The following RAD51B variants were observed in gnomAD, a reference collection of about 807,000 sequenced individuals.
The protein encoded by RAD51B is DNA repair protein RAD51 homolog 2.
A neutral mutation model predicts 42.2 loss-of-function variants in RAD51B; 38 were observed. The ratio of observed to expected loss-of-function variants is 0.90; its 90% confidence interval spans 0.70 to 1.18. The LOEUF is 1.18. Ranked by LOEUF, RAD51B falls within the 50% of genes most tolerant of loss-of-function variation. RAD51B has a pLI of 0.00. For missense variants in RAD51B, 373 were observed against 400.7 expected, an observed-to-expected ratio of 0.93 and a Z score of 0.59; for synonymous variants, 154 against 145.2, an observed-to-expected ratio of 1.06 and a Z score of -0.43.
chr14:68,079,475 C>T (rs183350759), intron 7 of RAD51B, among the ~76,000 whole-genome samples: 45 of 152,238 alleles, frequency 3.0e-4, no homozygotes, highest in Middle Eastern at 3.4e-3. Flanking sequence ...TGCTTAAACT[C>T]TGATATATTT....
intron 10 of RAD51B, chr14:68,610,967 T>C (rs918115097): frequency 4.3e-6 from 3 of 696,982 alleles, no homozygotes; most frequent in Non-Finnish European, 7.9e-6. Context: ...AATAAAAGTT[T>C]GTTGCATTTA....
chr14:68,148,551 A>G (rs1312749772), intron 7 of RAD51B, among the ~76,000 whole-genome samples: 1 of 152,210 alleles, frequency 6.6e-6, no homozygotes, highest in Non-Finnish European at 1.5e-5. Context: ...TTTGACTTAC[A>G]CTTTTTTGAT....
intron 7 of RAD51B, among the ~76,000 whole-genome samples, chr14:68,204,707 A>T (rs962298118): frequency 6.6e-6 from 1 of 152,210 alleles, no homozygotes. Context: ...TTAATTTTTT[A>T]AAAAATAGCC....
chr14:68,098,313 T>C (rs2077228903), intron 7 of RAD51B, among the ~76,000 whole-genome samples: 1 of 152,244 alleles, frequency 6.6e-6, no homozygotes, highest in Non-Finnish European at 1.5e-5. Flanking sequence ...CAGCTTTTGT[T>C]TAAGAGATTG....
chr14:67,906,810 C>G (rs2043794692), intron 7 of RAD51B, among the ~76,000 whole-genome samples: 1 of 151,318 alleles, frequency 6.6e-6, no homozygotes, highest in South Asian at 2.1e-4. Context: ...TTCCTTCTTT[C>G]TTTCTTTTTT....
At chr14:68,003,914 G>A (rs186392621) in intron 7 of RAD51B, among the ~76,000 whole-genome samples, 37 of 152,228 alleles carry the variant, frequency 2.4e-4, no homozygotes, top group African/African-American at 8.7e-4. Context: ...GATTGAGTTT[G>A]CCAGTAAAAT....
intron 8 of RAD51B, among the ~76,000 whole-genome samples, chr14:68,301,328 G>C (rs1490188438): frequency 6.6e-6 from 1 of 152,214 alleles, no homozygotes; most frequent in East Asian, 1.9e-4. Context: ...CTTCTGAGTA[G>C]GACTCTAGGC....
At chr14:68,563,160 T>A in intron 10 of RAD51B, 1 of 985,412 alleles carries the variant, frequency 1.0e-6, no homozygotes, top group Non-Finnish European at 1.2e-6. Context: ...AGAAGTTCTT[T>A]ATTTCCCTCA....
chr14:68,269,704 G>A (rs2081067682), intron 7 of RAD51B, among the ~76,000 whole-genome samples: 2 of 152,212 alleles, frequency 1.3e-5, no homozygotes, highest in African/African-American at 4.8e-5. Context: ...GGTTGTCTTA[G>A]TCTGGTTCTC....
At chr14:68,217,368 T>G (rs1361807373) in intron 7 of RAD51B, among the ~76,000 whole-genome samples, 1 of 152,240 alleles carries the variant, frequency 6.6e-6, no homozygotes, top group African/African-American at 2.4e-5. Flanking sequence ...AAGGCATATC[T>G]TTCTGGCCAA....
chr14:68,291,820 T>C, intron 7 of RAD51B, 64 bp from the exon 8 acceptor site: 1 of 1,259,346 alleles, frequency 7.9e-7, no homozygotes, highest in Non-Finnish European at 1.2e-6. Context: ...CTCTAATAAT[T>C]AATTTGGTCT....
chr14:68,575,803 C>G (rs1889937732), intron 10 of RAD51B, among the ~76,000 whole-genome samples: 1 of 152,172 alleles, frequency 6.6e-6, no homozygotes, highest in Non-Finnish European at 1.5e-5. Flanking sequence ...ACTTACCTTA[C>G]CGTTTAGGGT....
At chr14:68,558,585 C>T (rs1888980850) in intron 10 of RAD51B, among the ~76,000 whole-genome samples, 1 of 152,186 alleles carries the variant, frequency 6.6e-6, no homozygotes, top group East Asian at 1.9e-4. Context: ...AGCTGCCCCA[C>T]TCCCGTCACT....
At chr14:67,920,974 G>A (rs2044303874) in intron 7 of RAD51B, among the ~76,000 whole-genome samples, 1 of 152,210 alleles carries the variant, frequency 6.6e-6, no homozygotes, top group Non-Finnish European at 1.5e-5. Context: ...GTATTTGGTT[G>A]TAGCATAGAG....
At chr14:67,957,222 A>G (rs1198479659) in intron 7 of RAD51B, among the ~76,000 whole-genome samples, 1 of 152,236 alleles carries the variant, frequency 6.6e-6, no homozygotes, top group East Asian at 1.9e-4. Flanking sequence ...AGGTGTTGGC[A>G]TGGTTAAGTT....
chr14:68,178,970 T>G (rs1433235547), intron 7 of RAD51B, among the ~76,000 whole-genome samples: 2 of 152,176 alleles, frequency 1.3e-5, no homozygotes, highest in African/African-American at 4.8e-5. Context: ...TAGATAAAAT[T>G]TCTGCTCTGG....
At chr14:68,109,373 GTTAT>G (rs1186649042) in intron 7 of RAD51B, among the ~76,000 whole-genome samples, 1 of 151,992 alleles carries the variant, frequency 6.6e-6, no homozygotes, top group Non-Finnish European at 1.5e-5. Context: ...TTGTAAACAT[GTTAT>G]CGAAGTAGGT....
chr14:68,585,455 G>T (rs764955811), intron 10 of RAD51B, among the ~76,000 whole-genome samples: 11 of 152,188 alleles, frequency 7.2e-5, no homozygotes, highest in Non-Finnish European at 1.2e-4. Flanking sequence ...CCCCAGGCGG[G>T]AGGCTGATGG....
intron 11 of RAD51B, among the ~76,000 whole-genome samples, chr14:68,669,064 C>G (rs1893095807): frequency 1.3e-5 from 2 of 152,236 alleles, no homozygotes; most frequent in African/African-American, 4.8e-5. Context: ...CTGTTGAAAA[C>G]TCATGCAACT....
Sources: gnomAD v4.1 joint callset for allele counts (sites outside exome capture counted in the v4.1 genomes callset) on GRCh38, gnomAD v4.1.1 for gene constraint, MANE v1.5 for transcripts, NCBI Gene and HGNC (gene_info 2026-07-23, HGNC 2026-07-21) for gene names.